SPMAP2L: variants seen among roughly 807,000 people sequenced by gnomAD.
The protein encoded by SPMAP2L is sperm microtubule associated protein 2 like, also known as sperm microtubule associated protein 2-like.
the SPMAP2L span, among the ~76,000 whole-genome samples, chr4:56,588,342 G>T: frequency 1.3e-5 from 2 of 151,382 alleles, no homozygotes; most frequent in African/African-American, 4.9e-5. Context: ...ATTTATCTTT[G>T]TTTTTATTGC....
chr4:56,572,130 C>T, the SPMAP2L span, among the ~76,000 whole-genome samples: 1 of 152,026 alleles, frequency 6.6e-6, no homozygotes, highest in East Asian at 1.9e-4. Context: ...AAACCAGTAG[C>T]ATAGTTGTTT....
chr4:56,600,692 G>A, the SPMAP2L span, among the ~76,000 whole-genome samples: 1 of 152,146 alleles, frequency 6.6e-6, no homozygotes, highest in Non-Finnish European at 1.5e-5. Context: ...AATGATTTAG[G>A]TAAAGCTTAG....
chr4:56,577,142 C>T, the SPMAP2L span, among the ~76,000 whole-genome samples: 25 of 150,046 alleles, frequency 1.7e-4, no homozygotes, highest in African/African-American at 5.3e-4. Flanking sequence ...TGGTGGCTCA[C>T]GCCTGTAATC....
At chr4:56,591,049 A>G in the SPMAP2L span, among the ~76,000 whole-genome samples, 1 of 152,198 alleles carries the variant, frequency 6.6e-6, no homozygotes, top group Admixed American at 6.5e-5. Flanking sequence ...AAATGATTCA[A>G]TATGTTATGG....
chr4:56,584,094 G>A, the SPMAP2L span, among the ~76,000 whole-genome samples: 4,539 of 152,044 alleles, frequency 0.03, 195 homozygotes, highest in African/African-American at 0.093. Flanking sequence ...AGCCTTGCAA[G>A]TAGCTGGGAC....
the SPMAP2L span, among the ~76,000 whole-genome samples, chr4:56,603,756 T>C: frequency 6.6e-6 from 1 of 152,212 alleles, no homozygotes; most frequent in South Asian, 2.1e-4. Flanking sequence ...CTTTGTGTTA[T>C]TTCAGCATCC....
the SPMAP2L span, among the ~76,000 whole-genome samples, chr4:56,605,897 G>T: frequency 6.6e-6 from 1 of 152,100 alleles, no homozygotes; most frequent in Non-Finnish European, 1.5e-5. Flanking sequence ...ACCTGGTACC[G>T]TTGCTCTTCT....
At chr4:56,532,460 C>T in the SPMAP2L span, among the ~76,000 whole-genome samples, 192 of 152,202 alleles carry the variant, frequency 1.3e-3, 3 homozygotes, top group African/African-American at 4.6e-3. Context: ...GTTATCCTCT[C>T]TCTTCTACAG....
the SPMAP2L span, among the ~76,000 whole-genome samples, chr4:56,561,872 C>T: frequency 1.3e-5 from 2 of 152,206 alleles, no homozygotes; most frequent in Admixed American, 6.5e-5. Flanking sequence ...TACAGGCGCC[C>T]ACCACCATGC....
chr4:56,576,530 G>A, the SPMAP2L span, among the ~76,000 whole-genome samples: 1 of 152,184 alleles, frequency 6.6e-6, no homozygotes, highest in Admixed American at 6.5e-5. Flanking sequence ...AAGTGAACCA[G>A]CATTCCACCC....
chr4:56,536,348 T>C, the SPMAP2L span, among the ~76,000 whole-genome samples: 7 of 152,238 alleles, frequency 4.6e-5, no homozygotes, highest in Non-Finnish European at 8.8e-5. Context: ...CAGGATCATT[T>C]CACTTGCTTT....
At chr4:56,553,999 T>G in the SPMAP2L span, among the ~76,000 whole-genome samples, 1 of 6,480 alleles carries the variant, frequency 1.5e-4, no homozygotes, top group Admixed American at 1.7e-3. Flanking sequence ...TCCTTTATGT[T>G]TTTTTTTTTG....
At chr4:56,606,192 C>T in the SPMAP2L span, among the ~76,000 whole-genome samples, 1 of 152,140 alleles carries the variant, frequency 6.6e-6, no homozygotes, top group African/African-American at 2.4e-5. Context: ...GACTAACTAA[C>T]CAAAGAGGAT....
the SPMAP2L span, among the ~76,000 whole-genome samples, chr4:56,571,544 T>C: frequency 6.6e-6 from 1 of 152,062 alleles, no homozygotes; most frequent in African/African-American, 2.4e-5. Flanking sequence ...CTCAAACTCC[T>C]GGGCTGAAGC....
the SPMAP2L span, chr4:56,575,451 C>T: frequency 1.3e-3 from 2,006 of 1,525,246 alleles, 22 homozygotes; most frequent in African/African-American, 0.023. Flanking sequence ...AATACTATGA[C>T]AATTTGAAAT....
chr4:56,564,144 T>G, the SPMAP2L span, among the ~76,000 whole-genome samples: 44 of 151,724 alleles, frequency 2.9e-4, no homozygotes, highest in Admixed American at 2.3e-3. Flanking sequence ...TTTTTTTTTT[T>G]TTTTTTTGAG....
chr4:56,553,681 T>G, the SPMAP2L span, among the ~76,000 whole-genome samples: 1 of 148,908 alleles, frequency 6.7e-6, no homozygotes, highest in Non-Finnish European at 1.5e-5. Context: ...TTGATATATT[T>G]TTACTGATTA....
chr4:56,566,098 T>G, the SPMAP2L span, among the ~76,000 whole-genome samples: 3 of 152,226 alleles, frequency 2.0e-5, no homozygotes, highest in Non-Finnish European at 4.4e-5. Context: ...TGATTACTAA[T>G]ATGTTGAGGT....
At chr4:56,588,781 A>G in the SPMAP2L span, among the ~76,000 whole-genome samples, 1,027 of 152,150 alleles carry the variant, frequency 6.7e-3, 12 homozygotes, top group African/African-American at 0.023. Context: ...TCCTTAATCC[A>G]TCTTGAGTTT....
Sources: allele counts gnomAD v4.1 joint callset (sites outside exome capture counted in the v4.1 genomes callset), GRCh38; gene constraint gnomAD v4.1.1; transcripts MANE v1.5; gene names NCBI Gene and HGNC (gene_info 2026-07-23, HGNC 2026-07-21).